The following LINGO2 variants were observed in gnomAD, a reference collection of about 807,000 sequenced individuals.
LINGO2 encodes leucine rich repeat and Ig domain containing 2, also known as leucine-rich repeat and immunoglobulin-like domain-containing nogo receptor-interacting protein 2.
In LINGO2, 14 loss-of-function variants were observed where a neutral mutation model predicts 30.6. That is an observed-to-expected ratio of 0.46 (90% CI 0.30 to 0.72). The LOEUF (loss-of-function observed/expected upper bound fraction) is 0.72, where lower values mean the gene tolerates loss of function less well. Among genes scored for constraint, LINGO2 ranks in the 30% least tolerant of loss-of-function variants. LINGO2 has a pLI of 0.07. For missense variants in LINGO2, 729 were observed against 751.7 expected, an observed-to-expected ratio of 0.97 and a Z score of 0.35; for synonymous variants, 317 against 288.5, an observed-to-expected ratio of 1.10 and a Z score of -1.00.
At chr9:28,584,532 A>G (rs970754395) in intron 1 of LINGO2, among the ~76,000 whole-genome samples, 1 of 152,036 alleles carries the variant, frequency 6.6e-6, no homozygotes, top group African/African-American at 2.4e-5. Flanking sequence ...AACTTGTTGA[A>G]TATAGTAAGG....
the LINGO2 span, among the ~76,000 whole-genome samples, chr9:29,008,255 C>A: frequency 6.6e-6 from 1 of 152,168 alleles, no homozygotes; most frequent in African/African-American, 2.4e-5. Flanking sequence ...AGGACAGGAA[C>A]TCATCCTTTT....
the LINGO2 span, among the ~76,000 whole-genome samples, chr9:29,025,821 C>T: frequency 6.6e-6 from 1 of 152,078 alleles, no homozygotes; most frequent in Non-Finnish European, 1.5e-5. Context: ...TTAACCACCC[C>T]TGCCCGTGGT....
At chr9:28,623,526 G>A (rs958055825) in intron 1 of LINGO2, among the ~76,000 whole-genome samples, 1 of 151,770 alleles carries the variant, frequency 6.6e-6, no homozygotes, top group Non-Finnish European at 1.5e-5. Flanking sequence ...TCTTCTTGGG[G>A]GTTCTCTATT....
the LINGO2 span, among the ~76,000 whole-genome samples, chr9:28,725,852 T>C: frequency 6.6e-6 from 1 of 152,110 alleles, no homozygotes; most frequent in South Asian, 2.1e-4. Flanking sequence ...TGTGCGTGTA[T>C]GTGTGTGTGC....
At chr9:28,813,011 A>G in the LINGO2 span, among the ~76,000 whole-genome samples, 1 of 152,098 alleles carries the variant, frequency 6.6e-6, no homozygotes, top group Non-Finnish European at 1.5e-5. Context: ...AAGTAGTATA[A>G]ACAGAGTCAT....
intron 2 of LINGO2, among the ~76,000 whole-genome samples, chr9:28,474,297 A>C (rs1825642072): frequency 6.6e-6 from 1 of 152,150 alleles, no homozygotes; most frequent in African/African-American, 2.4e-5. Flanking sequence ...ATCCACCTTT[A>C]TCTCTTAGAA....
chr9:28,017,360 G>A lies in LINGO2; in HGVS notation c.-86-4955C>T, dbSNP rs145655681. Among the ~76,000 whole-genome samples, 316 of 152,160 alleles carry A rather than the reference G, an allele frequency of 2.1e-3. 3 individuals carry two copies. The highest frequency in any genetic ancestry group is 0.014 in the Middle Eastern group (4 of 292). On this transcript the variant is annotated intron_variant, in intron 4 of 5. Transcript: ENST00000379992. ...CCAGAGCAATTAGGCAAGAGAAAGC[G>A]ATAACAGGCATGCAAATAGGAAGAG...
intron 4 of LINGO2, among the ~76,000 whole-genome samples, chr9:28,126,173 T>C (rs1827230264): frequency 6.6e-6 from 1 of 152,210 alleles, no homozygotes; most frequent in Non-Finnish European, 1.5e-5. Context: ...TCATATTCTG[T>C]GCTGTATTTT....
intron 4 of LINGO2, among the ~76,000 whole-genome samples, chr9:28,169,488 T>C (rs1368403203): frequency 6.6e-6 from 1 of 152,174 alleles, no homozygotes; most frequent in Non-Finnish European, 1.5e-5. Context: ...TCAATAAGGA[T>C]AGGAAGTCTA....
chr9:28,121,166 T>A (rs1827084504), intron 4 of LINGO2, among the ~76,000 whole-genome samples: 1 of 152,012 alleles, frequency 6.6e-6, no homozygotes, highest in Admixed American at 6.6e-5. Context: ...GAAATAAGAA[T>A]AAAGGGGAAA....
chr9:29,198,946 G>A, the LINGO2 span, among the ~76,000 whole-genome samples: 1 of 152,086 alleles, frequency 6.6e-6, no homozygotes, highest in Non-Finnish European at 1.5e-5. Context: ...AGGGGCCTCT[G>A]AGAAATACAG....
chr9:28,596,118 G>T (rs56041855), intron 1 of LINGO2, among the ~76,000 whole-genome samples: 2,433 of 152,236 alleles, frequency 0.016, 23 homozygotes, highest in Middle Eastern at 0.027. Context: ...GCATATACTT[G>T]AGAGGGAAGG....
chr9:28,024,203 C>T (rs1339680508), intron 4 of LINGO2, among the ~76,000 whole-genome samples: 1 of 152,102 alleles, frequency 6.6e-6, no homozygotes, highest in Non-Finnish European at 1.5e-5. Context: ...TTAAGCAAAT[C>T]AGCATGATTT....
chr9:28,927,751 T>C, the LINGO2 span, among the ~76,000 whole-genome samples: 2 of 152,220 alleles, frequency 1.3e-5, no homozygotes, highest in Non-Finnish European at 2.9e-5. Flanking sequence ...AAAACTGCTG[T>C]AGGCATTTAT....
At chr9:29,095,189 CT>C in the LINGO2 span, among the ~76,000 whole-genome samples, 1 of 138,298 alleles carries the variant, frequency 7.2e-6, no homozygotes, top group African/African-American at 2.7e-5. Context: ...CTATTCTATA[CT>C]TTGATAAATG....
At chr9:28,161,540 T>C (rs888735868) in intron 4 of LINGO2, among the ~76,000 whole-genome samples, 1 of 152,138 alleles carries the variant, frequency 6.6e-6, no homozygotes, top group African/African-American at 2.4e-5. Flanking sequence ...CTCATTTTTA[T>C]TGATGGAAAA....
intron 5 of LINGO2, among the ~76,000 whole-genome samples, chr9:28,003,360 TAG>T (rs1563901741): frequency 2.7e-5 from 4 of 147,810 alleles, no homozygotes; most frequent in East Asian, 4.0e-4. Flanking sequence ...GATAGATAGA[TAG>T]ATAGATAGAT....
intron 1 of LINGO2, among the ~76,000 whole-genome samples, chr9:28,497,855 T>C (rs941941354): frequency 1.3e-5 from 2 of 152,216 alleles, no homozygotes; most frequent in Non-Finnish European, 2.9e-5. Flanking sequence ...GTCCTTTCTG[T>C]TTGTTAGTTT....
At chr9:28,076,831 T>C (rs1346829771) in intron 4 of LINGO2, among the ~76,000 whole-genome samples, 2 of 152,168 alleles carry the variant, frequency 1.3e-5, no homozygotes, top group Non-Finnish European at 2.9e-5. Context: ...GTCAAACTCA[T>C]TTCTGATGCT....
Sources: gnomAD v4.1 joint callset for allele counts (sites outside exome capture counted in the v4.1 genomes callset) on GRCh38, gnomAD v4.1.1 for gene constraint, MANE v1.5 for transcripts, NCBI Gene and HGNC (gene_info 2026-07-23, HGNC 2026-07-21) for gene names.